GSK3B: variants seen among roughly 807,000 people sequenced by gnomAD.
GSK3B encodes the protein glycogen synthase kinase-3 beta.
In GSK3B, 15 loss-of-function variants were observed where a neutral mutation model predicts 56.4. The ratio of observed to expected loss-of-function variants is 0.27; its 90% CI spans 0.18 to 0.41. The LOEUF (loss-of-function observed/expected upper bound fraction) is 0.41, where lower values mean the gene tolerates loss of function less well. Ranked by LOEUF, GSK3B falls within the 10% of genes least tolerant of loss-of-function variation. The pLI is 1.00. For missense variants in GSK3B, 300 were observed against 513.4 expected (o/e 0.58, Z 4.02); for synonymous variants, 181 against 188.9 (o/e 0.96, Z 0.34).
chr3:119,911,438 G>A (rs1449657706), intron 6 of GSK3B, among the ~76,000 whole-genome samples: 2 of 151,810 alleles, frequency 1.3e-5, no homozygotes, highest in Non-Finnish European at 2.9e-5. Context: ...GCAGTGGCTT[G>A]CACTTAAAAG....
chr3:119,843,326 G>A lies in GSK3B; in HGVS notation c.1124C>T (p.Thr375Ile). The change falls in exon 10 of 11, where the codon ACC becomes ATC. Residue 375 changes from threonine (T) to isoleucine (I), a missense_variant. By Grantham distance (89) the Thr-to-Ile change is moderately conservative. Around this residue, in one of 6 missense-constraint regions of GSK3B, gnomAD observed 88 missense variants for 92.7 expected, o/e 0.95. Coordinates refer to ENST00000264235, the MANE Select transcript of GSK3B (RefSeq NM_001146156.2). ...CCGAGCATGAGGAGGAATAAGGATG[G>A]TAGCCAGAGGTGGATTACTTGACAG... ...QELSSNPPLA[T>I]ILIPPHARIQ... is the part of the protein sequence containing the mutation. The A allele has an allele frequency of 6.2e-7, 1 of 1,609,122 alleles. No homozygotes were observed. The highest frequency in any genetic ancestry group is 8.5e-7 in the Non-Finnish European group (1 of 1,176,064).
intron 1 of GSK3B, among the ~76,000 whole-genome samples, chr3:120,047,448 T>G (rs2058113247): frequency 6.6e-6 from 1 of 152,136 alleles, no homozygotes; most frequent in Non-Finnish European, 1.5e-5. Flanking sequence ...CTAAACCCAA[T>G]GCCAGGAGAA....
chr3:119,861,134 A>C (rs1267084189), intron 9 of GSK3B, among the ~76,000 whole-genome samples: 1 of 152,184 alleles, frequency 6.6e-6, no homozygotes, highest in African/African-American at 2.4e-5. Flanking sequence ...ATCTGTACAC[A>C]GTTACAGCTT....
At position 120,093,359 on chromosome 3, in the gene GSK3B, T is replaced by A. The variant is rs1309654926; in HGVS notation, c.76A>T (p.Met26Leu). 1.2e-6 allele frequency: 2 copies of A among 1,612,344 alleles called. No individual in the cohort carries two copies. Among genetic ancestry groups the A allele is most frequent in the Admixed American group, 1.7e-5 (1 of 60,022 alleles). The change falls in exon 1 of 11, where the codon ATG becomes TTG. Residue 26 changes from methionine (M) to leucine (L), a missense_variant. Around this residue, in one of 6 missense-constraint regions of GSK3B, gnomAD observed 53 missense variants for 64.6 expected, o/e 0.82. Transcript: ENST00000264235. ...AACCAATACTCACTGCTAACTTTCATGCTGCCAAAAGCTGAAGGCTGCTGC... is the reference window on the plus strand; with the variant it reads ...AACCAATACTCACTGCTAACTTTCAAGCTGCCAAAAGCTGAAGGCTGCTGC... ...PVQQPSAFGS[M>L]KVSRDKDGSK...
At chr3:119,984,735 C>A (rs1192428785) in intron 2 of GSK3B, among the ~76,000 whole-genome samples, 2 of 151,620 alleles carry the variant, frequency 1.3e-5, no homozygotes, top group Non-Finnish European at 3.0e-5. Flanking sequence ...AGTCTACCAA[C>A]CAAAAAAAGT....
rs2057418000 is a variant in GSK3B, at chr3:119,977,373, A to T, written c.282+24673T>A. Reference sequence around the variant, plus strand: ...ATTCTCTTGCTGGGGACAGGCAAAGATTCCCAGCCTATATGACTGAGAACA... The same window carrying T: ...ATTCTCTTGCTGGGGACAGGCAAAGTTTCCCAGCCTATATGACTGAGAACA... On this transcript the variant is annotated intron_variant, in intron 2 of 10. Coordinates refer to ENST00000264235, the MANE Select transcript of GSK3B (RefSeq NM_001146156.2). Among the ~76,000 whole-genome samples, 3 of 152,320 alleles carry T rather than the reference A, an allele frequency of 2.0e-5. No homozygotes were observed. The South Asian group carries it at 6.2e-4, about 32-fold the overall frequency.
rs1327027360 is a variant in GSK3B at position 120,093,737 on chromosome 3, C to G, written c.-303G>C. The G allele has an allele frequency of 3.2e-6, 1 of 310,912 alleles. No individual in the cohort carries two copies. Among genetic ancestry groups the G allele is most frequent in the African/African-American group, 2.1e-5 (1 of 47,422 alleles). The allele number at this position is 310,912 out of a possible 1,614,324, so 19.3% of individuals were successfully genotyped here. On this transcript the variant is annotated 5_prime_UTR_variant, in exon 1 of 11. Transcript: ENST00000264235. ...GAGGAGAGAAAAGAGAGGGCAAATC[C>G]TAAAAAAATATGTATCACGTGAAAC...
At chr3:120,026,199 T>G (rs968622527) in intron 1 of GSK3B, among the ~76,000 whole-genome samples, 2 of 152,090 alleles carry the variant, frequency 1.3e-5, no homozygotes, top group Non-Finnish European at 2.9e-5. Context: ...AACCAGGTGC[T>G]CTCAAACACG....
At chr3:119,940,114 G>T (rs199615135) in intron 3 of GSK3B, among the ~76,000 whole-genome samples, 3 of 84,454 alleles carry the variant, frequency 3.6e-5, no homozygotes, top group East Asian at 7.2e-4. Context: ...GTGTGTTTGT[G>T]TGTGTGTGTG....
intron 2 of GSK3B, among the ~76,000 whole-genome samples, chr3:119,965,374 T>A (rs906810861): frequency 4.1e-4 from 62 of 151,660 alleles, no homozygotes; most frequent in African/African-American, 1.3e-3. Flanking sequence ...ATTTTTTTTT[T>A]TTATTTTTAT....
At chr3:119,917,904 A>G (rs72967191) in intron 4 of GSK3B, among the ~76,000 whole-genome samples, 4 of 152,118 alleles carry the variant, frequency 2.6e-5, no homozygotes, top group Non-Finnish European at 4.4e-5. Flanking sequence ...CAAAAACAAG[A>G]ACAGAAAAAC....
chr3:120,076,611 C>T (rs1054516896), intron 1 of GSK3B, among the ~76,000 whole-genome samples: 14 of 151,764 alleles, frequency 9.2e-5, no homozygotes, highest in South Asian at 4.2e-4. Flanking sequence ...GTCAGGAGAT[C>T]GAGACCATCC....
intron 2 of GSK3B, among the ~76,000 whole-genome samples, chr3:119,973,416 C>T (rs770653172): frequency 1.4e-4 from 21 of 152,214 alleles, no homozygotes; most frequent in Non-Finnish European, 1.3e-4. Context: ...CGTTAGTCAT[C>T]GGCATTGTCT....
chr3:119,947,172 C>A, intron 3 of GSK3B, 96 bp downstream of exon 3: 1 of 761,364 alleles, frequency 1.3e-6, no homozygotes, highest in Non-Finnish European at 2.3e-6. Flanking sequence ...TTTTCCATTC[C>A]ATTAGCAAAA....
chr3:119,862,882 T>C (rs2056126954), intron 9 of GSK3B, among the ~76,000 whole-genome samples: 2 of 152,168 alleles, frequency 1.3e-5, no homozygotes, highest in East Asian at 3.8e-4. Flanking sequence ...CCTTTCAGTA[T>C]TATCTCAGCA....
chr3:119,929,770 C>T (rs568275813), intron 3 of GSK3B, among the ~76,000 whole-genome samples: 2 of 151,970 alleles, frequency 1.3e-5, no homozygotes, highest in South Asian at 2.1e-4. Context: ...GGCATGGTGG[C>T]GCATGCCTGT....
At chr3:119,978,495 T>C (rs1348531499) in intron 2 of GSK3B, among the ~76,000 whole-genome samples, 1 of 152,174 alleles carries the variant, frequency 6.6e-6, no homozygotes, top group East Asian at 1.9e-4. Flanking sequence ...CTTTCCTTTC[T>C]TTAACTCTTA....
At chr3:119,922,800 T>C (rs1259971270) in intron 4 of GSK3B, among the ~76,000 whole-genome samples, 1 of 152,112 alleles carries the variant, frequency 6.6e-6, no homozygotes, top group African/African-American at 2.4e-5. Flanking sequence ...TTGTTACTAA[T>C]AACTAACCAC....
At position 120,093,724 on chromosome 3, in the gene GSK3B, G is replaced by A. The variant is rs200126942; in HGVS notation, c.-290C>T. 4 of 327,604 alleles carry A rather than the reference G, an allele frequency of 1.2e-5. No homozygotes were observed. Among genetic ancestry groups the A allele is most frequent in the Admixed American group, 4.6e-5 (1 of 21,530 alleles). 20.3% of individuals were successfully genotyped at this position (327,604 alleles called of 1,614,324 possible). On this transcript the variant is annotated 5_prime_UTR_variant, in exon 1 of 11. Coordinates refer to ENST00000264235, the MANE Select transcript of GSK3B (RefSeq NM_001146156.2). ...CTCCCTTTCCTGGGAGGAGAGAAAA[G>A]AGAGGGCAAATCCTAAAAAAATATG...
Sources: gnomAD v4.1 joint callset for allele counts (sites outside exome capture counted in the v4.1 genomes callset) on GRCh38, gnomAD v4.1.1 for gene constraint, gnomAD v4.1.1 regional missense constraint, MANE v1.5 for transcripts, NCBI Gene and HGNC (gene_info 2026-07-23, HGNC 2026-07-21) for gene names.